The following FAAH2 variants were observed in gnomAD, a reference collection of about 807,000 sequenced individuals.
FAAH2 encodes fatty-acid amide hydrolase 2.
Under a neutral mutation model 36.9 loss-of-function variants are expected in FAAH2, and 60 were observed. The ratio of observed to expected loss-of-function variants is 1.63; its 90% CI spans 1.32 to 2.02. FAAH2 has a LOEUF of 2.02. Ranked by LOEUF, FAAH2 falls within the 30% of genes most tolerant of loss-of-function variation. The pLI is 0.00. For synonymous variants in FAAH2, 214 were observed against 143.8 expected (o/e 1.49, Z -3.49); for missense variants, 689 against 397.5 (o/e 1.73, Z -6.23).
At chrX:57,149,129 C>G in the FAAH2 span, among the ~76,000 whole-genome samples, 2 of 111,594 alleles carry the variant, frequency 1.8e-5, no homozygotes, top group Non-Finnish European at 3.8e-5. Context: ...GGTGGATAAG[C>G]TTTTTGATGT....
chrX:57,199,221 A>G, the FAAH2 span, among the ~76,000 whole-genome samples: 1 of 109,612 alleles, frequency 9.1e-6, no homozygotes, highest in African/African-American at 3.3e-5. Flanking sequence ...CTTATTTTTT[A>G]TGTGGATATC....
At chrX:57,447,741 G>GC (rs2056705980) in intron 9 of FAAH2, among the ~76,000 whole-genome samples, 1 of 12,243 alleles carries the variant, frequency 8.2e-5, no homozygotes, top group Admixed American at 2.3e-3. Context: ...AAGTCCCTGG[G>GC]CTCACACAGC....
chrX:57,391,963 T>A (rs2055177357), intron 7 of FAAH2, among the ~76,000 whole-genome samples: 1 of 110,773 alleles, frequency 9.0e-6, no homozygotes, highest in Non-Finnish European at 1.9e-5. Flanking sequence ...GATCTTTTTC[T>A]ATTTCTGGCA....
At chrX:57,255,718 A>G in the FAAH2 span, among the ~76,000 whole-genome samples, 1 of 112,078 alleles carries the variant, frequency 8.9e-6, no homozygotes, top group Non-Finnish European at 1.9e-5. Context: ...TTCGACAAAA[A>G]TTCAACGCCT....
the FAAH2 span, among the ~76,000 whole-genome samples, chrX:57,150,567 A>G: frequency 8.9e-6 from 1 of 111,799 alleles, no homozygotes; most frequent in Non-Finnish European, 1.9e-5. Context: ...GTTTTATCAG[A>G]GACTAGGATT....
Position 57,431,983 on chromosome X carries a change from G to C in FAAH2, c.1062G>C (p.Lys354Asn), listed in dbSNP as rs760638480. 1 of 1,206,784 alleles carries C rather than the reference G, an allele frequency of 8.3e-7. No homozygotes were observed. The highest frequency in any genetic ancestry group is 3.0e-5 in the East Asian group (1 of 33,683). The change falls in exon 8 of 11, where the codon AAG (lysine) becomes AAC (asparagine). Residue 354 changes from lysine to asparagine, a missense_variant. Physicochemically the swap from Lys to Asn is moderately conservative, Grantham distance 94. Coordinates refer to ENST00000374900, the MANE Select transcript of FAAH2 (RefSeq NM_174912.4). ...AACATGTTAAACTGAAGAAAATGAA[G>C]TACTCTTTTCAGTTGTGGATCGCAA... ...SVQHVKLKKM[K>N]YSFQLWIAMM...
intron 8 of FAAH2, among the ~76,000 whole-genome samples, chrX:57,441,982 T>A (rs1260209549): frequency 8.9e-6 from 1 of 111,971 alleles, no homozygotes; most frequent in African/African-American, 3.2e-5. Context: ...GACAGTTTGT[T>A]ATAATTTCTG....
At chrX:57,269,340 T>C in the FAAH2 span, among the ~76,000 whole-genome samples, 1 of 111,322 alleles carries the variant, frequency 9.0e-6, no homozygotes, top group Non-Finnish European at 1.9e-5. Flanking sequence ...AACAAATATA[T>C]TAATGACCTG....
the FAAH2 span, among the ~76,000 whole-genome samples, chrX:57,244,124 A>G: frequency 2.8e-5 from 3 of 107,931 alleles, no homozygotes; most frequent in Non-Finnish European, 5.7e-5. Context: ...AGCTGAATCA[A>G]TCAAGCAGAA....
rs867967399 is a variant in FAAH2, at chrX:57,446,952, C to T, written c.1141C>T (p.Leu381Phe). The T allele has an allele frequency of 1.7e-6, 2 of 1,206,850 alleles. No homozygotes were observed. The highest frequency in any genetic ancestry group is 1.8e-5 in the African/African-American group (1 of 56,825). ...GKEPVKFVDL[L>F]GDHGKHVSPL... The stretch of plus-strand genomic sequence containing the variant: ...GGAACCTGTGAAATTTGTAGATTTG[C>T]TTGGTGACCATGGGAAACATGTCAG... The change falls in exon 9 of 11, where the codon CTT becomes TTT. Residue 381 changes from leucine to phenylalanine, a missense_variant. By Grantham distance (22) the Leu-to-Phe change is conservative. Coordinates refer to ENST00000374900, the MANE Select transcript of FAAH2 (RefSeq NM_174912.4).
chrX:57,452,645 TAACA>T (rs1309496077), intron 10 of FAAH2, among the ~76,000 whole-genome samples: 1 of 112,297 alleles, frequency 8.9e-6, no homozygotes, highest in African/African-American at 3.2e-5. Flanking sequence ...TTTGTTAAAC[TAACA>T]AATACATAAT....
chrX:57,243,057 G>A, the FAAH2 span, among the ~76,000 whole-genome samples: 1 of 111,639 alleles, frequency 9.0e-6, no homozygotes, highest in Non-Finnish European at 1.9e-5. Context: ...GATGCTCCAG[G>A]TTGGTGGGGG....
the FAAH2 span, among the ~76,000 whole-genome samples, chrX:57,243,309 G>A: frequency 8.9e-6 from 1 of 111,874 alleles, no homozygotes; most frequent in Admixed American, 9.4e-5. Flanking sequence ...GGAAAGGGGT[G>A]GCTGTGGGCG....
chrX:57,205,552 G>T, the FAAH2 span, among the ~76,000 whole-genome samples: 1 of 112,031 alleles, frequency 8.9e-6, no homozygotes, highest in African/African-American at 3.2e-5. Context: ...CACATTAACA[G>T]GCATATCAAA....
At chrX:57,392,718 A>G in intron 7 of FAAH2, 2 of 613,343 alleles carry the variant, frequency 3.3e-6, no homozygotes, top group East Asian at 6.5e-5. Context: ...TGGGGAGTCC[A>G]TTGTGCTCAT....
At chrX:57,413,916 G>A (rs1449461833) in intron 7 of FAAH2, among the ~76,000 whole-genome samples, 1 of 111,369 alleles carries the variant, frequency 9.0e-6, no homozygotes, top group African/African-American at 3.3e-5. Context: ...TCCTTGAAGA[G>A]GTCATTCACA....
chrX:57,203,384 G>A, the FAAH2 span, among the ~76,000 whole-genome samples: 1 of 112,002 alleles, frequency 8.9e-6, no homozygotes, highest in South Asian at 3.7e-4. Flanking sequence ...TGGGCCAGGT[G>A]TTCCTTGCCC....
At chrX:57,429,569 A>G (rs2056245804) in intron 7 of FAAH2, among the ~76,000 whole-genome samples, 1 of 111,907 alleles carries the variant, frequency 8.9e-6, no homozygotes, top group African/African-American at 3.2e-5. Context: ...GGAAGCACTC[A>G]TAAGCTTTAG....
chrX:57,445,292 T>G (rs999837720), intron 8 of FAAH2, among the ~76,000 whole-genome samples: 2 of 111,452 alleles, frequency 1.8e-5, no homozygotes, highest in East Asian at 5.6e-4. Flanking sequence ...AAGGGAAAAT[T>G]TCCTGGGTCA....
Sources: allele counts gnomAD v4.1 joint callset (sites outside exome capture counted in the v4.1 genomes callset), GRCh38; gene constraint gnomAD v4.1.1; transcripts MANE v1.5; gene names NCBI Gene and HGNC (gene_info 2026-07-23, HGNC 2026-07-21).